The following CADPS variants were observed in gnomAD, a reference collection of about 807,000 sequenced individuals.
The protein encoded by CADPS is calcium dependent secretion activator.
A neutral mutation model predicts 167.3 loss-of-function variants in CADPS; 57 were observed. The ratio of observed to expected loss-of-function variants is 0.34; its 90% confidence interval spans 0.28 to 0.42. The LOEUF (loss-of-function observed/expected upper bound fraction) is 0.42, where lower values mean the gene tolerates loss of function less well. Ranked by LOEUF, CADPS falls within the 20% of genes least tolerant of loss-of-function variation. CADPS has a pLI of 1.00. For synonymous variants in CADPS, 676 were observed against 635.3 expected, an observed-to-expected ratio of 1.06 and a Z score of -0.96; for missense variants, 1,414 against 1,738.1, an observed-to-expected ratio of 0.81 and a Z score of 3.32.
intron 29 of CADPS, among the ~76,000 whole-genome samples, chr3:62,400,758 C>T (rs1381816376): frequency 1.3e-5 from 2 of 151,968 alleles, no homozygotes; most frequent in East Asian, 3.9e-4. Context: ...CGCCACCATG[C>T]CCAACTAATT....
At chr3:62,649,510 C>A (rs977346538) in intron 5 of CADPS, among the ~76,000 whole-genome samples, 1 of 133,554 alleles carries the variant, frequency 7.5e-6, no homozygotes, top group Admixed American at 7.9e-5. Flanking sequence ...CCTTTCGGAC[C>A]TTTTATATCA....
intron 1 of CADPS, among the ~76,000 whole-genome samples, chr3:62,791,175 C>T (rs183497202): frequency 1.1e-3 from 160 of 152,248 alleles, no homozygotes; most frequent in Middle Eastern, 6.8e-3. Context: ...TTCCTATACA[C>T]ACTGAATATT....
chr3:62,796,854 A>C (rs2093447203), intron 1 of CADPS, among the ~76,000 whole-genome samples: 1 of 152,224 alleles, frequency 6.6e-6, no homozygotes, highest in African/African-American at 2.4e-5. Flanking sequence ...AATGTGTGAC[A>C]GAAATTCTTT....
chr3:62,773,042 T>C (rs1360845284), intron 1 of CADPS, among the ~76,000 whole-genome samples: 1 of 150,262 alleles, frequency 6.7e-6, no homozygotes, highest in Admixed American at 6.7e-5. Context: ...CTTTTCTTTA[T>C]TATAGATAAC....
At chr3:62,697,539 C>T (rs2080554792) in intron 3 of CADPS, among the ~76,000 whole-genome samples, 1 of 152,026 alleles carries the variant, frequency 6.6e-6, no homozygotes, top group Non-Finnish European at 1.5e-5. Context: ...CATATTTTTG[C>T]AGTTGTGGAT....
At position 62,458,591 on chromosome 3, in the gene CADPS, C is replaced by A. The variant is rs1451901041; in HGVS notation, c.3636+6776G>T. 1.3e-5 allele frequency among the ~76,000 whole-genome samples: 2 copies of A among 152,102 alleles called. No individual in the cohort carries two copies. The highest frequency in any genetic ancestry group is 6.5e-5 in the Admixed American group (1 of 15,276). The stretch of plus-strand genomic sequence containing the variant: ...ACAACCTCCGCCTCCCGAGTTCAAG[C>A]AATTCTCCTGGCTCAGCCTCTCAAG... On this transcript the variant is annotated intron_variant, in intron 26 of 29. Coordinates refer to ENST00000383710, the MANE Select transcript of CADPS (RefSeq NM_003716.4). This position sits in a 1 kb window ranked among gnomAD's most constrained non-coding sequence, Gnocchi z 4.6.
intron 27 of CADPS, chr3:62,440,927 A>G (rs994072304): frequency 6.6e-6 from 1 of 152,206 alleles, no homozygotes; most frequent in Non-Finnish European, 1.5e-5. Context: ...CTATGCAGCC[A>G]CTGGGGAAAG....
At chr3:62,647,941 C>T (rs1005227294) in intron 5 of CADPS, among the ~76,000 whole-genome samples, 10 of 152,208 alleles carry the variant, frequency 6.6e-5, no homozygotes, top group African/African-American at 1.7e-4. Context: ...AGCACATGCC[C>T]TTTGCCCTTT....
intron 1 of CADPS, among the ~76,000 whole-genome samples, chr3:62,863,264 C>T (rs560115947): frequency 6.6e-6 from 1 of 152,064 alleles, no homozygotes; most frequent in Non-Finnish European, 1.5e-5. Context: ...TGGCCCCAAC[C>T]CATGTGCTAT....
At chr3:62,698,962 C>T (rs948830971) in intron 3 of CADPS, among the ~76,000 whole-genome samples, 1 of 151,674 alleles carries the variant, frequency 6.6e-6, no homozygotes, top group East Asian at 1.9e-4. Flanking sequence ...ACGGCTCAAG[C>T]ACTTTATTTT....
intron 18 of CADPS, among the ~76,000 whole-genome samples, chr3:62,497,317 A>G (rs574004428): frequency 3.3e-5 from 5 of 152,194 alleles, no homozygotes; most frequent in African/African-American, 1.2e-4. Flanking sequence ...ATTGTGACTG[A>G]GAAAACTGTG....
At chr3:62,792,306 T>C (rs1049456720) in intron 1 of CADPS, among the ~76,000 whole-genome samples, 3 of 151,638 alleles carry the variant, frequency 2.0e-5, no homozygotes, top group Non-Finnish European at 4.4e-5. Flanking sequence ...CAGGCTCAAG[T>C]GATCCTCTCA....
Position 62,412,197 on chromosome 3 carries a change from C to T in CADPS, c.3778-9012G>A, listed in dbSNP as rs867107388. 9.3e-5 allele frequency among the ~76,000 whole-genome samples: 14 copies of T among 150,402 alleles called. No individual in the cohort carries two copies. The highest frequency in any genetic ancestry group is 3.2e-4 in the African/African-American group (13 of 40,808). ...GTAATTCTTTGGATACCTGAAAACC[C>T]ATGCCACTGAAGTCTTTACAAAGCT... On this transcript the variant is annotated intron_variant, in intron 28 of 29. Transcript: ENST00000383710. The surrounding 1 kb of genome is among the most constrained non-coding windows in gnomAD (Gnocchi z 4.1).
rs189871685 is a variant in CADPS, at chr3:62,853,557, G to A, written c.441+21032C>T. ...GGGGAATCACTTGAACCTTTGAGGC[G>A]GAGGTTGCAGTGAGCCCGCATCGTG... On this transcript the variant is annotated intron_variant, in intron 1 of 29. Transcript: ENST00000383710. Among the ~76,000 whole-genome samples the A allele has an allele frequency of 2.7e-3, 413 of 151,326 alleles. 2 individuals are homozygous for A. The highest frequency in any genetic ancestry group is 5.9e-3 in the Admixed American group (90 of 15,192).
At chr3:62,550,523 C>A (rs2152265255) in intron 10 of CADPS, among the ~76,000 whole-genome samples, 1 of 152,266 alleles carries the variant, frequency 6.6e-6, no homozygotes, top group African/African-American at 2.4e-5. Flanking sequence ...TCTACCAAGG[C>A]TTTTCCAATT....
chr3:62,463,039 G>A (rs1175543342), intron 26 of CADPS, among the ~76,000 whole-genome samples: 2 of 152,188 alleles, frequency 1.3e-5, no homozygotes, highest in Admixed American at 6.5e-5. Context: ...AACAGGCACC[G>A]AAGTGTTCTG....
rs1293827966 is a variant in CADPS, at chr3:62,576,941, CTT to C, written c.1578-6005_1578-6004del. Among the ~76,000 whole-genome samples the C allele has an allele frequency of 4.0e-5, 6 of 151,726 alleles. No homozygotes were observed. The East Asian group carries it at 1.2e-3, about 29-fold the overall frequency. On this transcript the variant is annotated intron_variant, in intron 8 of 29. Coordinates refer to ENST00000383710, the MANE Select transcript of CADPS (RefSeq NM_003716.4). ...GTATCATGATTTGAATGTATCCTCT[CTT>C]ATGATATTTTTGTAAAATTCTTGCT...
chr3:62,768,997 C>T (rs1206450043), intron 1 of CADPS, among the ~76,000 whole-genome samples: 1 of 152,110 alleles, frequency 6.6e-6, no homozygotes, highest in Non-Finnish European at 1.5e-5. Context: ...CACTACTTTT[C>T]TCACCGCTAA....
At chr3:62,606,703 C>T (rs80125711) in intron 6 of CADPS, among the ~76,000 whole-genome samples, 216 of 152,342 alleles carry the variant, frequency 1.4e-3, no homozygotes, top group African/African-American at 5.0e-3. Context: ...CTTCGGCCAA[C>T]GGGGCATTGG....
Sources: allele counts gnomAD v4.1 joint callset (sites outside exome capture counted in the v4.1 genomes callset), GRCh38; gene constraint gnomAD v4.1.1; non-coding constraint Gnocchi (gnomAD v3.1); transcripts MANE v1.5; gene names NCBI Gene and HGNC (gene_info 2026-07-23, HGNC 2026-07-21).